Variants in RELCH observed in about 807,000 individuals in gnomAD.
RELCH encodes the protein RAB11-binding protein RELCH.
A neutral mutation model predicts 150.3 loss-of-function variants in RELCH; 41 were observed. The ratio of observed to expected loss-of-function variants is 0.27; its 90% CI spans 0.21 to 0.35. The LOEUF (loss-of-function observed/expected upper bound fraction) is 0.35, where lower values mean the gene tolerates loss of function less well. Among genes scored for constraint, RELCH ranks in the 10% least tolerant of loss-of-function variants. The probability of loss-of-function intolerance (pLI) is 1.00; values close to 1 mark genes in which losing one functional copy is unlikely to be tolerated. For missense variants in RELCH, 1,092 were observed against 1,467.8 expected, an observed-to-expected ratio of 0.74 and a Z score of 4.18; for synonymous variants, 478 against 531.8, an observed-to-expected ratio of 0.90 and a Z score of 1.39.
At chr18:62,203,410 T>C (rs1362958024) in intron 1 of RELCH, among the ~76,000 whole-genome samples, 1 of 152,084 alleles carries the variant, frequency 6.6e-6, no homozygotes, top group Non-Finnish European at 1.5e-5. Context: ...TGAGCCGAGA[T>C]TGCGCCACTG....
chr18:62,217,078 G>T (rs1389554991), intron 2 of RELCH, among the ~76,000 whole-genome samples: 1 of 151,978 alleles, frequency 6.6e-6, no homozygotes, highest in African/African-American at 2.4e-5. Flanking sequence ...AGGAAAAAAA[G>T]AATACATCAT....
intron 1 of RELCH, among the ~76,000 whole-genome samples, chr18:62,210,383 T>C (rs2045777573): frequency 6.6e-6 from 1 of 152,188 alleles, no homozygotes; most frequent in South Asian, 2.1e-4. Context: ...TTAATTTTCT[T>C]TTCAATCTTT....
chr18:62,250,368 GA>G, intron 11 of RELCH, among the ~76,000 whole-genome samples: 1 of 152,226 alleles, frequency 6.6e-6, no homozygotes, highest in South Asian at 2.1e-4. Flanking sequence ...CGCTTTTTAA[GA>G]AAATTTAGCT....
chr18:62,297,434 AAAG>A (rs1247127921), intron 27 of RELCH, among the ~76,000 whole-genome samples: 4 of 152,140 alleles, frequency 2.6e-5, no homozygotes, highest in East Asian at 1.9e-4. Context: ...AATATAGAAG[AAAG>A]AAGGATACTG....
chr18:62,251,437 G>A (rs944508882), intron 11 of RELCH, among the ~76,000 whole-genome samples: 3 of 152,306 alleles, frequency 2.0e-5, no homozygotes, highest in African/African-American at 7.2e-5. Flanking sequence ...TCCCATGTGG[G>A]TCTCTCCAAC....
intron 11 of RELCH, chr18:62,247,283 A>C (rs1446324940): frequency 6.6e-6 from 1 of 152,184 alleles, no homozygotes; most frequent in Non-Finnish European, 1.5e-5. Context: ...CATATCTTAG[A>C]AAATGATGTA....
chr18:62,279,383 G>A (rs2044384011), intron 22 of RELCH, among the ~76,000 whole-genome samples: 1 of 152,170 alleles, frequency 6.6e-6, no homozygotes, highest in African/African-American at 2.4e-5. Context: ...TTTGTACCCT[G>A]TTGGTCATGA....
chr18:62,188,140 G>A, intron 1 of RELCH, 109 bp downstream of exon 1: 18 of 1,288,254 alleles, frequency 1.4e-5, no homozygotes, highest in Non-Finnish European at 1.8e-5. Flanking sequence ...ACATTTTAAG[G>A]AACGAGAGTA....
intron 10 of RELCH, chr18:62,235,364 CTG>C (rs964339488): frequency 3.3e-4 from 50 of 152,010 alleles, no homozygotes; most frequent in Admixed American, 2.7e-3. Context: ...GTTTTGATAA[CTG>C]TTGTTTGTAG....
intron 1 of RELCH, among the ~76,000 whole-genome samples, chr18:62,205,901 G>A (rs537269902): frequency 1.1e-4 from 16 of 152,032 alleles, no homozygotes; most frequent in African/African-American, 3.9e-4. Flanking sequence ...GTGGCTCATA[G>A]TCCCACCAGC....
At chr18:62,291,847 T>C (rs887689009) in intron 27 of RELCH, among the ~76,000 whole-genome samples, 13 of 152,210 alleles carry the variant, frequency 8.5e-5, no homozygotes, top group Admixed American at 5.9e-4. Context: ...TAATACACTC[T>C]CCTTCACTTA....
chr18:62,231,459 G>GT (rs1344624946), intron 9 of RELCH, among the ~76,000 whole-genome samples, 190 bp downstream of exon 9: 1 of 151,816 alleles, frequency 6.6e-6, no homozygotes, highest in Non-Finnish European at 1.5e-5. Context: ...GATTATTTCT[G>GT]TTTTTTCTAT....
In RELCH at chr18:62,277,557, A is replaced by T. The variant is rs189653270; in HGVS notation, c.2967+2084A>T. 10 of 742,832 alleles carry T rather than the reference A, an allele frequency of 1.3e-5. No individual in the cohort carries two copies. The East Asian group carries it at 5.0e-4, about 37-fold the overall frequency. 46.0% of individuals were successfully genotyped at this position (742,832 alleles called of 1,614,324 possible). Reference sequence around the variant, plus strand: ...AAAAGTTAATTCAAAATAAAAACATAAAAAAAACACATTCTTTTTTTAAAA... The same window carrying T: ...AAAAGTTAATTCAAAATAAAAACATTAAAAAAACACATTCTTTTTTTAAAA... On this transcript the variant is annotated intron_variant, in intron 22 of 28. Transcript: ENST00000644646.
chr18:62,221,489 G>A lies in RELCH; in HGVS notation c.850G>A (p.Asp284Asn), dbSNP rs1404179703. 3 of 1,430,702 alleles carry A rather than the reference G, an allele frequency of 2.1e-6. No homozygotes were observed. The highest frequency in any genetic ancestry group is 9.6e-7 in the Non-Finnish European group (1 of 1,045,592). 88.6% of individuals were successfully genotyped at this position (1,430,702 alleles called of 1,614,324 possible). Residue 284 changes from aspartate (D) to asparagine (N), a missense_variant, in exon 5 of 29, where the codon GAT becomes AAT. This residue lies in a region of RELCH where 190 missense variants were observed against 276.2 expected (regional missense o/e 0.69). Coordinates refer to ENST00000644646, the MANE Select transcript of RELCH (RefSeq NM_001346231.2). ...LTSITFSDEN[D>N]DQDFELWDDV... is the part of the protein sequence containing the mutation. Reference sequence around the variant, plus strand: ...ATCAATAACCTTTTCAGATGAAAACGATGATCAGGTAAAGTTACTTTTTGT... The same window carrying A: ...ATCAATAACCTTTTCAGATGAAAACAATGATCAGGTAAAGTTACTTTTTGT...
At chr18:62,283,859 A>G (rs557733392) in intron 25 of RELCH, among the ~76,000 whole-genome samples, 1 of 152,298 alleles carries the variant, frequency 6.6e-6, no homozygotes, top group South Asian at 2.1e-4. Flanking sequence ...TCAACAGGCA[A>G]TGGGTCTTTG....
Position 62,268,927 on chromosome 18 carries a change from A to T in RELCH, c.2739A>T (p.Gly913=). ...TKATVPIYAT[G]VLTCYIQEED... ...CTACAGTCCCCATTTATGCAACAGG[A>T]GTCCTTACGTGTTATATTCAGGTAA... The change falls in exon 20 of 29, where the codon GGA becomes GGT. Residue 913 remains glycine, a synonymous_variant. Transcript: ENST00000644646. The T allele has an allele frequency of 6.5e-7, 1 of 1,546,804 alleles. No homozygotes were observed. Among genetic ancestry groups the T allele is most frequent in the Non-Finnish European group, 8.8e-7 (1 of 1,142,330 alleles).
At chr18:62,261,705 T>C (rs1459106765) in intron 16 of RELCH, 47 bp downstream of exon 16, 1 of 1,522,160 alleles carries the variant, frequency 6.6e-7, no homozygotes, top group Admixed American at 2.0e-5. Flanking sequence ...ATTAGCAGCC[T>C]AGCTTCCCAA....
Position 62,244,834 on chromosome 18 carries a change from A to G in RELCH, c.1691A>G (p.His564Arg). Reference sequence around the variant, plus strand: ...CCTAAAGAGCGAGATCAGCTTCTCCACATACTTTTCAATTTGATCAAGAGG... The same window carrying G: ...CCTAAAGAGCGAGATCAGCTTCTCCGCATACTTTTCAATTTGATCAAGAGG... ...PEPKERDQLLHILFNLIKRPD... is the reference protein window; with the variant it reads ...PEPKERDQLLRILFNLIKRPD... Residue 564 changes from histidine to arginine, a missense_variant, in exon 11 of 29, where the codon CAC (histidine) becomes CGC (arginine). Coordinates refer to ENST00000644646, the MANE Select transcript of RELCH (RefSeq NM_001346231.2). The G allele has an allele frequency of 6.2e-7, 1 of 1,613,520 alleles. No individual in the cohort carries two copies. The highest frequency in any genetic ancestry group is 8.5e-7 in the Non-Finnish European group (1 of 1,179,562).
At chr18:62,263,204 CG>C (rs1288993388) in intron 16 of RELCH, among the ~76,000 whole-genome samples, 2 of 151,920 alleles carry the variant, frequency 1.3e-5, no homozygotes, top group African/African-American at 2.4e-5. Flanking sequence ...AAAATTTGGG[CG>C]GGGGGCAGTT....
Sources: gnomAD v4.1 joint callset for allele counts (sites outside exome capture counted in the v4.1 genomes callset) on GRCh38, gnomAD v4.1.1 for gene constraint, gnomAD v4.1.1 regional missense constraint, MANE v1.5 for transcripts, NCBI Gene and HGNC (gene_info 2026-07-23, HGNC 2026-07-21) for gene names.